Variants in MAGI2 observed in about 807,000 individuals in gnomAD.
The protein encoded by MAGI2 is membrane-associated guanylate kinase, WW and PDZ domain-containing protein 2.
A neutral mutation model predicts 133.3 loss-of-function variants in MAGI2; 35 were observed. That is an observed-to-expected ratio of 0.26 (90% CI 0.20 to 0.35). The LOEUF is 0.35. Among genes scored for constraint, MAGI2 ranks in the 10% least tolerant of loss-of-function variants. MAGI2 has a pLI of 1.00. For missense variants in MAGI2, 1,636 were observed against 1,863.4 expected (o/e 0.88, Z 2.25); for synonymous variants, 729 against 710.6 (o/e 1.03, Z -0.41).
chr7:78,266,922 C>T lies in MAGI2; in HGVS notation c.1409-10341G>A, dbSNP rs568480693. Among the ~76,000 whole-genome samples the T allele has an allele frequency of 5.9e-5, 9 of 152,240 alleles. No individual in the cohort carries two copies. In the South Asian group the frequency reaches 1.9e-3, roughly 32 times the overall value. The stretch of plus-strand genomic sequence containing the variant: ...CTGCAGACAACCTTCTGAGAAGTTG[C>T]TTTCTTGAATTGCTTTTGAAAAAAG... On this transcript the variant is annotated intron_variant, in intron 9 of 21. Coordinates refer to ENST00000354212, the MANE Select transcript of MAGI2 (RefSeq NM_012301.4).
chr7:78,277,587 A>G (rs1795173515), intron 9 of MAGI2, among the ~76,000 whole-genome samples: 1 of 152,194 alleles, frequency 6.6e-6, no homozygotes, highest in African/African-American at 2.4e-5. Flanking sequence ...AGAGAAGCCC[A>G]TGAGGGAGAT....
chr7:78,783,867 T>G (rs1826592581), intron 2 of MAGI2, among the ~76,000 whole-genome samples: 1 of 152,224 alleles, frequency 6.6e-6, no homozygotes, highest in African/African-American at 2.4e-5. Flanking sequence ...ATATTTCTAT[T>G]TTAGCACACA....
intron 2 of MAGI2, among the ~76,000 whole-genome samples, chr7:78,966,268 T>C (rs969689382): frequency 2.0e-5 from 3 of 152,142 alleles, no homozygotes; most frequent in Non-Finnish European, 4.4e-5. Context: ...CAATGTTGTA[T>C]AGGAGGTAGG....
At chr7:79,432,560 A>C (rs1311613400) in intron 1 of MAGI2, among the ~76,000 whole-genome samples, 2 of 152,198 alleles carry the variant, frequency 1.3e-5, no homozygotes, top group Non-Finnish European at 2.9e-5. Flanking sequence ...TTTCCACTAC[A>C]TGGTAGGTCA....
At chr7:78,204,528 ATAGT>A (rs1314942341) in intron 10 of MAGI2, among the ~76,000 whole-genome samples, 1 of 152,214 alleles carries the variant, frequency 6.6e-6, no homozygotes, top group Admixed American at 6.5e-5. Flanking sequence ...AGTAATAGTA[ATAGT>A]TTGTTTTAGT....
chr7:79,151,932 G>A (rs1210045263), intron 1 of MAGI2, among the ~76,000 whole-genome samples: 1 of 152,108 alleles, frequency 6.6e-6, no homozygotes, highest in Non-Finnish European at 1.5e-5. Flanking sequence ...GATTGTGATA[G>A]AACATGAATC....
intron 10 of MAGI2, among the ~76,000 whole-genome samples, chr7:78,214,832 T>C (rs1788108366): frequency 6.6e-6 from 1 of 152,234 alleles, no homozygotes; most frequent in Admixed American, 6.5e-5. Flanking sequence ...AACAAACTTG[T>C]TTGCTTTACA....
At chr7:78,665,464 T>G (rs753875063) in intron 2 of MAGI2, among the ~76,000 whole-genome samples, 1 of 152,146 alleles carries the variant, frequency 6.6e-6, no homozygotes, top group Non-Finnish European at 1.5e-5. Context: ...ACATCGTGCT[T>G]TGCCTGATCG....
chr7:79,440,589 C>T lies in MAGI2; in HGVS notation c.301+12431G>A, dbSNP rs188194036. On this transcript the variant is annotated intron_variant, in intron 1 of 21. Transcript: ENST00000354212. The stretch of plus-strand genomic sequence containing the variant: ...ATTACTCCTTATCTTGGTAAAGATA[C>T]TCCTTATATTGGTAAAGAAAGTCTT... Among the ~76,000 whole-genome samples the T allele has an allele frequency of 6.8e-4, 103 of 152,064 alleles. 1 individual carries two copies. In the East Asian group the frequency reaches 0.012, roughly 17 times the overall value.
chr7:78,058,557 C>T (rs948449699), intron 21 of MAGI2, among the ~76,000 whole-genome samples: 6 of 151,408 alleles, frequency 4.0e-5, no homozygotes, highest in African/African-American at 7.3e-5. Context: ...CTGCAAACTC[C>T]GCCTCCCGGG....
intron 9 of MAGI2, among the ~76,000 whole-genome samples, chr7:78,266,415 C>T (rs1294867546): frequency 6.6e-6 from 1 of 152,090 alleles, no homozygotes; most frequent in Non-Finnish European, 1.5e-5. Context: ...GTTGCCCAGG[C>T]TGGTCTTGAA....
intron 2 of MAGI2, among the ~76,000 whole-genome samples, chr7:78,859,601 A>G (rs968556572): frequency 6.6e-6 from 1 of 152,206 alleles, no homozygotes; most frequent in Admixed American, 6.5e-5. Context: ...GTTTCTGCTG[A>G]GAGATCCAGG....
intron 3 of MAGI2, among the ~76,000 whole-genome samples, chr7:78,586,771 T>G (rs542671277): frequency 2.0e-5 from 3 of 152,312 alleles, no homozygotes; most frequent in South Asian, 2.1e-4. Flanking sequence ...CCCTTCTATA[T>G]TCTGTCTATG....
intron 7 of MAGI2, among the ~76,000 whole-genome samples, chr7:78,357,046 G>A (rs77256176): frequency 6.6e-6 from 1 of 152,152 alleles, no homozygotes; most frequent in Admixed American, 6.5e-5. Context: ...GAGCAAACAA[G>A]ATAAAATATA....
In MAGI2 at chr7:79,209,476, T is replaced by G. The variant is rs1193139493; in HGVS notation, c.302-202270A>C. Among the ~76,000 whole-genome samples the G allele has an allele frequency of 2.0e-5, 3 of 152,002 alleles. No homozygotes were observed. The East Asian group carries it at 5.8e-4, about 29-fold the overall frequency. On this transcript the variant is annotated intron_variant, in intron 1 of 21. Transcript: ENST00000354212. ...CTTATTTTTATCTAGATATTAAGAA[T>G]GTCACTTATTTTCTCCTGTCACCCT... is the stretch of plus-strand genomic sequence containing the variant.
intron 2 of MAGI2, among the ~76,000 whole-genome samples, chr7:78,920,202 C>T (rs1168775879): frequency 1.3e-5 from 2 of 151,976 alleles, no homozygotes; most frequent in African/African-American, 4.8e-5. Context: ...ACTCTGGGTT[C>T]AAAATGATTG....
At chr7:78,465,717 A>G (rs1335423045) in intron 6 of MAGI2, among the ~76,000 whole-genome samples, 2 of 152,166 alleles carry the variant, frequency 1.3e-5, no homozygotes, top group African/African-American at 2.4e-5. Context: ...AGAAAAATGT[A>G]TGTTATTCCA....
At chr7:78,040,017 G>A (rs1467205055) in intron 21 of MAGI2, among the ~76,000 whole-genome samples, 1 of 152,192 alleles carries the variant, frequency 6.6e-6, no homozygotes, top group Admixed American at 6.5e-5. Context: ...ACAGTAATGT[G>A]TGGGTAGAGT....
At chr7:79,075,894 C>T (rs1255433314) in intron 1 of MAGI2, among the ~76,000 whole-genome samples, 1 of 152,068 alleles carries the variant, frequency 6.6e-6, no homozygotes, top group Admixed American at 6.6e-5. Context: ...ATATCAATTC[C>T]ATTTTGGAAA....
Sources: gnomAD v4.1 joint callset for allele counts (sites outside exome capture counted in the v4.1 genomes callset) on GRCh38, gnomAD v4.1.1 for gene constraint, MANE v1.5 for transcripts, NCBI Gene and HGNC (gene_info 2026-07-23, HGNC 2026-07-21) for gene names.